Variants in LRCH2 observed in about 807,000 individuals in gnomAD.
LRCH2 encodes the protein leucine-rich repeat and calponin homology domain-containing protein 2.
In LRCH2, 38 loss-of-function variants were observed where a neutral mutation model predicts 68.9. That is an observed-to-expected ratio of 0.55 (90% CI 0.43 to 0.72). The LOEUF (loss-of-function observed/expected upper bound fraction) is 0.72. Ranked by LOEUF, LRCH2 falls within the 30% of genes least tolerant of loss-of-function variation. The pLI is 0.00. For synonymous variants in LRCH2, 191 were observed against 208.1 expected (o/e 0.92, Z 0.71); for missense variants, 528 against 572.9 (o/e 0.92, Z 0.80).
chrX:115,190,299 T>C, intron 1 of LRCH2: 1 of 1,149,255 alleles, frequency 8.7e-7, no homozygotes, highest in South Asian at 2.0e-5. Context: ...GCTACAGGGG[T>C]CGCGACCATG....
At chrX:115,137,829 A>G (rs2806264) in intron 14 of LRCH2, among the ~76,000 whole-genome samples, 6,342 of 110,793 alleles carry the variant, frequency 0.057, 437 homozygotes, top group African/African-American at 0.2. Context: ...GGTGCCTATA[A>G]TCCCAGCTAC....
intron 16 of LRCH2, among the ~76,000 whole-genome samples, chrX:115,125,556 T>C (rs2072187074): frequency 3.7e-5 from 1 of 27,339 alleles, no homozygotes; most frequent in Non-Finnish European, 5.5e-5. Context: ...TATATATATA[T>C]ATATATATAT....
chrX:115,124,009 A>C lies in LRCH2; in HGVS notation c.1792-7T>G. On this transcript the variant is annotated splice_region_variant and splice_polypyrimidine_tract_variant and intron_variant, in intron 16 of 20. Transcript: ENST00000317135. ...CATCAGTTCTGTCATATTCCTAAAA[A>C]AAAATTAAAAAGTTAAAAATAAATA... 1 of 1,011,669 alleles carries C rather than the reference A, an allele frequency of 9.9e-7. No individual in the cohort carries two copies. Among genetic ancestry groups the C allele is most frequent in the Non-Finnish European group, 1.3e-6 (1 of 771,195 alleles). 83.4% of individuals were successfully genotyped at this position (1,011,669 alleles called of 1,213,427 possible).
At chrX:115,113,466 T>C in intron 20 of LRCH2, 131 bp from the exon 21 acceptor site, 2 of 464,658 alleles carry the variant, frequency 4.3e-6, no homozygotes, top group Non-Finnish European at 6.7e-6. Context: ...TTTTCTCTTA[T>C]AAATATTGTA....
intron 1 of LRCH2, chrX:115,190,007 A>T (rs1556556749): frequency 1.7e-6 from 2 of 1,161,058 alleles, no homozygotes; most frequent in Non-Finnish European, 2.3e-6. Context: ...TCGGGGCAAG[A>T]TGGCTACTCA....
intron 1 of LRCH2, among the ~76,000 whole-genome samples, chrX:115,195,995 C>A (rs1428775519): frequency 8.9e-6 from 1 of 111,853 alleles, no homozygotes; most frequent in African/African-American, 3.3e-5. Flanking sequence ...ATCTGCAGCA[C>A]CAGTCTTGGC....
At position 115,153,836 on chromosome X, in the gene LRCH2, AAC is replaced by A. The variant is rs781876351; in HGVS notation, c.1529+2764_1529+2765del. On this transcript the variant is annotated intron_variant, in intron 12 of 20. Coordinates refer to ENST00000317135, the MANE Select transcript of LRCH2 (RefSeq NM_020871.4). Reference sequence around the variant, plus strand: ...AATTTTTAAATATAATTCAAAAGACAACAGAGAAGGAGGAAAAATGAATAAAA... The same window carrying A: ...AATTTTTAAATATAATTCAAAAGACAAGAGAAGGAGGAAAAATGAATAAAA... Among the ~76,000 whole-genome samples the A allele has an allele frequency of 2.2e-3, 245 of 111,360 alleles. 1 individual carries two copies. Among genetic ancestry groups the A allele is most frequent in the Non-Finnish European group, 3.8e-3 (204 of 53,024 alleles).
chrX:115,168,587 T>C (rs1331233849), intron 6 of LRCH2, among the ~76,000 whole-genome samples: 1 of 111,811 alleles, frequency 8.9e-6, no homozygotes. Context: ...TTAAAAATTA[T>C]ATATGTGGCT....
intron 11 of LRCH2, among the ~76,000 whole-genome samples, chrX:115,157,918 T>C (rs1556540231): frequency 9.1e-6 from 1 of 110,302 alleles, no homozygotes; most frequent in African/African-American, 3.3e-5. Flanking sequence ...GTATGAGTTA[T>C]ATTGAAACAG....
rs202034062 is a variant in LRCH2, at chrX:115,191,520, C to A, written c.350-3150G>T. 26 of 1,116,128 alleles carry A rather than the reference C, an allele frequency of 2.3e-5. No individual in the cohort carries two copies. The African/African-American group carries it at 3.7e-4, about 16-fold the overall frequency. 92.0% of individuals were successfully genotyped at this position (1,116,128 alleles called of 1,213,427 possible). On this transcript the variant is annotated intron_variant, in intron 1 of 20. Coordinates refer to ENST00000317135, the MANE Select transcript of LRCH2 (RefSeq NM_020871.4). The stretch of plus-strand genomic sequence containing the variant: ...CGCCTGATGCCTACAGTGGGGGCCA[C>A]GACAGTTCCAGCCAGAGCAACCGCT...
chrX:115,134,237 T>C (rs782241010), intron 14 of LRCH2, among the ~76,000 whole-genome samples: 2 of 112,219 alleles, frequency 1.8e-5, no homozygotes, highest in Non-Finnish European at 3.8e-5. Context: ...GGTTGGTTCA[T>C]AAGATTGAAG....
At chrX:115,116,867 TTA>T (rs1387984975) in intron 20 of LRCH2, among the ~76,000 whole-genome samples, 1 of 110,859 alleles carries the variant, frequency 9.0e-6, no homozygotes, top group Admixed American at 9.7e-5. Context: ...TGGCCTTGGA[TTA>T]TACGAAGATT....
chrX:115,195,734 A>C (rs2072882664), intron 1 of LRCH2, among the ~76,000 whole-genome samples: 1 of 111,386 alleles, frequency 9.0e-6, no homozygotes, highest in Non-Finnish European at 1.9e-5. Flanking sequence ...TGAATCCCTA[A>C]GAGAGAGTGA....
chrX:115,227,778 T>C (rs1556576922), intron 1 of LRCH2, among the ~76,000 whole-genome samples: 1 of 108,992 alleles, frequency 9.2e-6, no homozygotes, highest in Non-Finnish European at 1.9e-5. Context: ...TTCATCTCCA[T>C]ATGGTTCAAA....
intron 5 of LRCH2, among the ~76,000 whole-genome samples, chrX:115,173,693 T>C (rs782296003): frequency 2.7e-5 from 3 of 111,532 alleles, no homozygotes; most frequent in Non-Finnish European, 5.6e-5. Flanking sequence ...ACGTGATGCT[T>C]TGATATACAG....
At chrX:115,211,921 T>C (rs1304278803) in intron 1 of LRCH2, among the ~76,000 whole-genome samples, 1 of 112,453 alleles carries the variant, frequency 8.9e-6, no homozygotes, top group East Asian at 2.8e-4. Flanking sequence ...ACAGCTTTCT[T>C]GGCCCCTTAA....
At chrX:115,128,878 C>G (rs1037782521) in intron 15 of LRCH2, among the ~76,000 whole-genome samples, 1 of 111,456 alleles carries the variant, frequency 9.0e-6, no homozygotes, top group Admixed American at 9.6e-5. Flanking sequence ...CACAACATAC[C>G]ACATGTCAAT....
chrX:115,174,156 T>C (rs1274778030), intron 5 of LRCH2, among the ~76,000 whole-genome samples: 1 of 111,444 alleles, frequency 9.0e-6, no homozygotes, highest in Admixed American at 9.6e-5. Context: ...CATTGTGAAA[T>C]GATTACCACA....
chrX:115,220,305 C>T (rs1281898332), intron 1 of LRCH2, among the ~76,000 whole-genome samples: 1 of 111,934 alleles, frequency 8.9e-6, no homozygotes, highest in African/African-American at 3.2e-5. Flanking sequence ...TCTGAAAGAA[C>T]AATGTAGAAG....
Sources: gnomAD v4.1 joint callset for allele counts (sites outside exome capture counted in the v4.1 genomes callset) on GRCh38, gnomAD v4.1.1 for gene constraint, MANE v1.5 for transcripts, NCBI Gene and HGNC (gene_info 2026-07-23, HGNC 2026-07-21) for gene names.